Variants in FILIP1L observed in about 807,000 individuals in gnomAD.
FILIP1L encodes filamin A interacting protein 1 like, also known as filamin A-interacting protein 1-like.
In FILIP1L, 55 loss-of-function variants were observed where a neutral mutation model predicts 96.6. The observed-to-expected ratio is 0.57, with a 90% CI of 0.46 to 0.71. FILIP1L has a LOEUF of 0.71. Ranked by LOEUF, FILIP1L falls within the 30% of genes least tolerant of loss-of-function variation. The pLI, the probability that FILIP1L is intolerant of heterozygous loss-of-function variation, is 0.00. For missense variants in FILIP1L, 1,304 were observed against 1,321.2 expected (o/e 0.99, Z 0.20); for synonymous variants, 467 against 473.9 (o/e 0.99, Z 0.19).
intron 1 of FILIP1L, among the ~76,000 whole-genome samples, chr3:100,108,799 G>C (rs888738994): frequency 3.3e-5 from 5 of 152,152 alleles, no homozygotes. Context: ...TACACCTCAT[G>C]CTCAGCACAG....
intron 1 of FILIP1L, among the ~76,000 whole-genome samples, chr3:99,984,112 G>T (rs1290113633): frequency 6.8e-6 from 1 of 146,938 alleles, no homozygotes; most frequent in Non-Finnish European, 1.5e-5. Flanking sequence ...CAGGTGCTCA[G>T]GTATGAAATA....
chr3:99,960,154 T>C (rs888024603), intron 1 of FILIP1L, among the ~76,000 whole-genome samples: 1 of 152,220 alleles, frequency 6.6e-6, no homozygotes, highest in African/African-American at 2.4e-5. Flanking sequence ...ACCTGCCAAG[T>C]ACCGGAGAGA....
intron 1 of FILIP1L, among the ~76,000 whole-genome samples, chr3:100,058,203 C>T (rs2065498225): frequency 1.3e-5 from 2 of 152,236 alleles, no homozygotes; most frequent in South Asian, 2.1e-4. Flanking sequence ...TGCTATTACT[C>T]TCTATACCCT....
At chr3:99,964,141 C>T (rs1328479584) in intron 1 of FILIP1L, among the ~76,000 whole-genome samples, 1 of 151,928 alleles carries the variant, frequency 6.6e-6, no homozygotes, top group African/African-American at 2.4e-5. Flanking sequence ...CTTATATGCT[C>T]AGTAGGAAGT....
intron 4 of FILIP1L, among the ~76,000 whole-genome samples, chr3:99,894,624 A>G (rs1262581713): frequency 6.6e-6 from 1 of 152,222 alleles, no homozygotes; most frequent in Non-Finnish European, 1.5e-5. Flanking sequence ...TTTTAAATGT[A>G]GGAAGTTTAC....
intron 1 of FILIP1L, among the ~76,000 whole-genome samples, chr3:100,094,547 A>G (rs1009144453): frequency 6.6e-6 from 1 of 151,324 alleles, no homozygotes; most frequent in African/African-American, 2.4e-5. Flanking sequence ...AGAGAATTTT[A>G]TGTTTTACAT....
chr3:99,830,897 A>G (rs1033787239), intron 5 of FILIP1L, among the ~76,000 whole-genome samples: 14 of 152,238 alleles, frequency 9.2e-5, no homozygotes, highest in African/African-American at 3.4e-4. Context: ...TAGTGTCCCA[A>G]ATTAATCTCA....
intron 1 of FILIP1L, among the ~76,000 whole-genome samples, chr3:99,958,059 CT>C (rs201659331): frequency 2.9e-4 from 40 of 139,472 alleles, no homozygotes; most frequent in Non-Finnish European, 3.0e-4. Flanking sequence ...AATGTCACTT[CT>C]TTTTTTTTTT....
At chr3:100,016,869 T>C (rs1025705308) in intron 1 of FILIP1L, among the ~76,000 whole-genome samples, 3 of 152,242 alleles carry the variant, frequency 2.0e-5, no homozygotes, top group African/African-American at 7.2e-5. Flanking sequence ...CTATGTTATC[T>C]AATGGCAAAG....
At chr3:99,919,483 G>T (rs867261547) in intron 4 of FILIP1L, among the ~76,000 whole-genome samples, 5 of 150,506 alleles carry the variant, frequency 3.3e-5, no homozygotes, top group African/African-American at 7.4e-5. Flanking sequence ...GTTTTGTTTT[G>T]TTTCAGTTAA....
chr3:100,026,300 A>C (rs553805392), intron 1 of FILIP1L, among the ~76,000 whole-genome samples: 33 of 152,258 alleles, frequency 2.2e-4, no homozygotes, highest in African/African-American at 7.7e-4. Flanking sequence ...ATATGGTAGA[A>C]CTTTGGGCAG....
intron 1 of FILIP1L, among the ~76,000 whole-genome samples, chr3:100,058,666 A>G (rs1384728292): frequency 6.6e-6 from 1 of 152,048 alleles, no homozygotes; most frequent in Non-Finnish European, 1.5e-5. Flanking sequence ...AACTGACTTC[A>G]TTTTACACCC....
intron 1 of FILIP1L, among the ~76,000 whole-genome samples, chr3:99,954,595 G>A (rs913239906): frequency 3.3e-5 from 5 of 152,144 alleles, no homozygotes; most frequent in African/African-American, 1.2e-4. Flanking sequence ...GGAGGTGGAG[G>A]CAGGTGGATT....
chr3:99,976,583 T>C (rs1423749665), intron 1 of FILIP1L, among the ~76,000 whole-genome samples: 2 of 152,214 alleles, frequency 1.3e-5, no homozygotes, highest in Non-Finnish European at 1.5e-5. Flanking sequence ...GTGGCTTGCA[T>C]GATTTGCAGC....
At chr3:99,988,353 A>G (rs1228029621) in intron 1 of FILIP1L, among the ~76,000 whole-genome samples, 1 of 149,944 alleles carries the variant, frequency 6.7e-6, no homozygotes, top group Non-Finnish European at 1.5e-5. Flanking sequence ...AAAAAAAAAA[A>G]AAAAAAAAAA....
intron 4 of FILIP1L, among the ~76,000 whole-genome samples, chr3:99,883,616 A>C (rs1007707960): frequency 2.0e-5 from 3 of 152,216 alleles, no homozygotes; most frequent in Admixed American, 1.3e-4. Flanking sequence ...TCAGTCTTCT[A>C]ATGAACAACT....
chr3:100,001,652 G>A (rs1323647617), intron 1 of FILIP1L, among the ~76,000 whole-genome samples: 3 of 152,142 alleles, frequency 2.0e-5, no homozygotes, highest in South Asian at 2.1e-4. Context: ...CTGTCAGGCA[G>A]GTCACATCTT....
chr3:99,833,008 A>G (rs577326443), intron 5 of FILIP1L: 19 of 525,994 alleles, frequency 3.6e-5, no homozygotes, highest in African/African-American at 3.0e-4. Flanking sequence ...TTTGGAATGC[A>G]TATTGCAAGA....
chr3:100,109,219 T>TA (rs944577227), intron 1 of FILIP1L, among the ~76,000 whole-genome samples: 7 of 151,610 alleles, frequency 4.6e-5, no homozygotes, highest in East Asian at 1.9e-4. Flanking sequence ...TTTAATATCC[T>TA]AAAAAAAAAT....
Sources: allele counts gnomAD v4.1 joint callset (sites outside exome capture counted in the v4.1 genomes callset), GRCh38; gene constraint gnomAD v4.1.1; transcripts MANE v1.5; gene names NCBI Gene and HGNC (gene_info 2026-07-23, HGNC 2026-07-21).